RECQL4: variants seen among roughly 807,000 people sequenced by gnomAD.
The protein encoded by RECQL4 is ATP-dependent DNA helicase Q4.
A neutral mutation model predicts 128.6 loss-of-function variants in RECQL4; 158 were observed. That is an observed-to-expected ratio of 1.23 (90% CI 1.08 to 1.40). RECQL4 has a LOEUF of 1.40. RECQL4 is among the 40% of genes most tolerant of loss of function. The pLI is 0.00. For synonymous variants in RECQL4, 996 were observed against 678.9 expected (o/e 1.47, Z -7.26); for missense variants, 2,293 against 1,649.8 (o/e 1.39, Z -6.75).
In RECQL4 at chr8:144,514,046, C is replaced by T. The variant is rs372664774; in HGVS notation, c.1940G>A (p.Arg647His). Residue 647 changes from arginine to histidine, a missense_variant, in exon 12 of 21, where the codon CGC becomes CAC. Physicochemically the swap from Arg to His is conservative, Grantham distance 29. Coordinates refer to ENST00000617875, the MANE Select transcript of RECQL4 (RefSeq NM_004260.4). ...FLGLTATATRRTASDVAQHLA... is the reference protein window; with the variant it reads ...FLGLTATATRHTASDVAQHLA... ...GTGCTGTGCCACGTCACTGGCAGTGCGGCGTGTGGCTGTGGCTGTGAGGCC... is the reference window on the plus strand; with the variant it reads ...GTGCTGTGCCACGTCACTGGCAGTGTGGCGTGTGGCTGTGGCTGTGAGGCC... The T allele has an allele frequency of 3.8e-5, 60 of 1,579,580 alleles. No homozygotes were observed. Among genetic ancestry groups the T allele is most frequent in the Middle Eastern group, 1.7e-4 (1 of 6,018 alleles).
Position 144,512,025 on chromosome 8 carries a change from A to ATCCTT in RECQL4, c.3278_3279insAAGGA (p.Asp1093GlufsTer59), listed in dbSNP as rs779196557. 1 of 1,608,972 alleles carries ATCCTT rather than the reference A, an allele frequency of 6.2e-7. No homozygotes were observed. Among genetic ancestry groups the ATCCTT allele is most frequent in the Non-Finnish European group, 8.5e-7 (1 of 1,178,828 alleles). On this transcript the variant is annotated frameshift_variant, in exon 19 of 21. Coordinates refer to ENST00000617875, the MANE Select transcript of RECQL4 (RefSeq NM_004260.4). LOFTEE classifies it high-confidence loss of function. Reference sequence around the variant, plus strand: ...CCTTGAGCCTGGTGCTGCGCTCCTCATCCTGCTGCTCCAGGCAGGGCCCGC... The same window carrying ATCCTT: ...CCTTGAGCCTGGTGCTGCGCTCCTCATCCTTTCCTGCTGCTCCAGGCAGGGCCCGC...
rs754735053 is a variant in RECQL4, at chr8:144,514,988, C to T, written c.1568G>A (p.Ser523Asn). The T allele has an allele frequency of 3.0e-5, 48 of 1,611,518 alleles. No homozygotes were observed. The highest frequency in any genetic ancestry group is 1.1e-5 in the South Asian group (1 of 90,936). The change falls in exon 9 of 21, where the codon AGC (serine) becomes AAC (asparagine). Residue 523 changes from serine to asparagine, a missense_variant. Ser to Asn is a conservative substitution (Grantham distance 46, BLOSUM62 1). Transcript: ENST00000617875. ...QLPALLYSRR[S>N]PCLTLVVSPL... ...AGAGACGACCAACGTGAGGCAGGGG[C>T]TGCGCCGGCTGTAGAGCAGCGCTGG... is the stretch of plus-strand genomic sequence containing the variant.
In RECQL4 at chr8:144,512,950, C is replaced by A. The variant is rs778275815; in HGVS notation, c.2652G>T (p.Gln884His). Reference sequence around the variant, plus strand: ...GTCCTGGGGCTGCTTGGTGGCTAAGCTGCTCAGCCTCTTGAGGGGGGTACT... The same window carrying A: ...GTCCTGGGGCTGCTTGGTGGCTAAGATGCTCAGCCTCTTGAGGGGGGTACT... The part of the protein sequence containing the change: ...VPKYPPQEAE[Q>H]LSHQAAPGPR... The change falls in exon 15 of 21, where the codon CAG becomes CAT. Residue 884 changes from glutamine to histidine, a missense_variant. Gln to His is a conservative substitution (Grantham distance 24, BLOSUM62 0). Coordinates refer to ENST00000617875, the MANE Select transcript of RECQL4 (RefSeq NM_004260.4). 1 of 1,574,102 alleles carries A rather than the reference C, an allele frequency of 6.4e-7. No individual in the cohort carries two copies. Among genetic ancestry groups the A allele is most frequent in the Non-Finnish European group, 8.6e-7 (1 of 1,160,096 alleles).
rs1586794620 is a variant in RECQL4 at position 144,512,390 on chromosome 8, AC to A, written c.3055+1del. On this transcript the variant is annotated splice_donor_variant, in intron 17 of 20. Transcript: ENST00000617875. LOFTEE classifies it high-confidence loss of function. ...GGCGGTGTGGGGTGGGGAGAGGCGC[AC>A]CTGTCCTGGGCTCGTGGTCCCACTG... 1 of 1,607,090 alleles carries A rather than the reference AC, an allele frequency of 6.2e-7. No homozygotes were observed. The highest frequency in any genetic ancestry group is 2.2e-5 in the East Asian group (1 of 44,746).
Position 144,516,191 on chromosome 8 carries a change from G to A in RECQL4, c.928C>T (p.Pro310Ser), listed in dbSNP as rs1060501376. 34 of 1,613,396 alleles carry A rather than the reference G, an allele frequency of 2.1e-5. No individual in the cohort carries two copies. The highest frequency in any genetic ancestry group is 2.9e-5 in the Non-Finnish European group (34 of 1,179,858). The stretch of plus-strand genomic sequence containing the variant: ...CTGGGGTTCGATGGGCTGCTGCAGG[G>A]CTGAGGTGGCTGTGCCTGTACAGGT... ...GEPVQAQPPQ[P>S]CSSPSNPRYH... Residue 310 changes from proline (P) to serine (S), a missense_variant, in exon 5 of 21, where the codon CCC becomes TCC. Coordinates refer to ENST00000617875, the MANE Select transcript of RECQL4 (RefSeq NM_004260.4).
Position 144,517,638 on chromosome 8 carries a change from G to C in RECQL4, c.85-3C>G, listed in dbSNP as rs1053090518. 2.7e-6 allele frequency: 4 copies of C among 1,483,832 alleles called. No individual in the cohort carries two copies. Among genetic ancestry groups the C allele is most frequent in the Non-Finnish European group, 3.6e-6 (4 of 1,124,946 alleles). 91.9% of individuals were successfully genotyped at this position (1,483,832 alleles called of 1,614,324 possible). A position where few individuals can be genotyped will look rare whatever the true frequency, so the allele number is the denominator to read the frequency against. ...TCCGGCGCCGCCTCCACGTCGTCCT[G>C]TAAAGGGAACGCGTCAGCCGCGGGC... On this transcript the variant is annotated splice_region_variant and splice_polypyrimidine_tract_variant and intron_variant, in intron 1 of 20. Transcript: ENST00000617875.
In RECQL4 at chr8:144,516,380, T is replaced by C; in HGVS notation, c.739A>G (p.Ile247Val). 6.2e-7 allele frequency: 1 copy of C among 1,610,294 alleles called. No individual in the cohort carries two copies. The change falls in exon 5 of 21, where the codon ATC (isoleucine) becomes GTC (valine). Residue 247 changes from isoleucine to valine, a missense_variant. Physicochemically the swap from Ile to Val is conservative, Grantham distance 29. Transcript: ENST00000617875. ...PEASAFQEVS[I>V]RVGSPQPSSS... ...CTGGGCTGGGGGCTCCCCACACGGATGCTGACTTCTTGGAAGGCTGAAGCC... is the reference window on the plus strand; with the variant it reads ...CTGGGCTGGGGGCTCCCCACACGGACGCTGACTTCTTGGAAGGCTGAAGCC...
chr8:144,516,315 G>C lies in RECQL4; in HGVS notation c.804C>G (p.Pro268=), dbSNP rs1240656822. 6.2e-7 allele frequency: 1 copy of C among 1,609,918 alleles called. No homozygotes were observed. The highest frequency in any genetic ancestry group is 8.5e-7 in the Non-Finnish European group (1 of 1,179,118). ...GGEKRRWNEE[P]WESPAQVQQE... ...GCTGGACCTGTGCGGGGCTCTCCCAGGGCTCCTCGTTCCATCTCCGCTTCT... is the reference window on the plus strand; with the variant it reads ...GCTGGACCTGTGCGGGGCTCTCCCACGGCTCCTCGTTCCATCTCCGCTTCT... Residue 268 remains proline, a synonymous_variant, in exon 5 of 21, where the codon CCC becomes CCG. Coordinates refer to ENST00000617875, the MANE Select transcript of RECQL4 (RefSeq NM_004260.4).
At position 144,513,645 on chromosome 8, in the gene RECQL4, C is replaced by G. The variant is rs947223466; in HGVS notation, c.2126G>C (p.Arg709Pro). The change falls in exon 13 of 21, where the codon CGG becomes CCG. Residue 709 changes from arginine (R) to proline (P), a missense_variant. Physicochemically the swap from Arg to Pro is moderately radical, Grantham distance 103. Coordinates refer to ENST00000617875, the MANE Select transcript of RECQL4 (RefSeq NM_004260.4). ...NLDSIIIYCN[R>P]REDTERIAAL... Reference sequence around the variant, plus strand: ...AGCGATCCGCTCTGTGTCCTCGCGCCGGTTGCAGTAAATGATAATGGAATC... The same window carrying G: ...AGCGATCCGCTCTGTGTCCTCGCGCGGGTTGCAGTAAATGATAATGGAATC... 1 of 1,582,660 alleles carries G rather than the reference C, an allele frequency of 6.3e-7. No individual in the cohort carries two copies. Among genetic ancestry groups the G allele is most frequent in the Non-Finnish European group, 8.6e-7 (1 of 1,165,024 alleles).
At chr8:144,514,705 G>A (rs908506916) in intron 9 of RECQL4, among the ~76,000 whole-genome samples, 180 bp from the exon 10 acceptor site, 2 of 148,570 alleles carry the variant, frequency 1.3e-5, no homozygotes. Flanking sequence ...CCCCAGAGCA[G>A]ACAGACTGAA....
In RECQL4 at chr8:144,513,156, T is replaced by C; in HGVS notation, c.2464-18A>G. On this transcript the variant is annotated intron_variant, in intron 14 of 20. Coordinates refer to ENST00000617875, the MANE Select transcript of RECQL4 (RefSeq NM_004260.4). Reference sequence around the variant, plus strand: ...TCTTCGCCCTGCAGGGCAACTTTCATGAGGGTGGGGTGGACCACTGGGGGC... The same window carrying C: ...TCTTCGCCCTGCAGGGCAACTTTCACGAGGGTGGGGTGGACCACTGGGGGC... The C allele has an allele frequency of 7.7e-7, 1 of 1,292,354 alleles. No individual in the cohort carries two copies. The highest frequency in any genetic ancestry group is 2.4e-5 in the Admixed American group (1 of 41,644). The allele number at this position is 1,292,354 out of a possible 1,614,324, so 80.1% of individuals were successfully genotyped here.
At chr8:144,515,715 C>A in intron 6 of RECQL4, 49 bp downstream of exon 6, 1 of 1,599,440 alleles carries the variant, frequency 6.3e-7, no homozygotes, top group Non-Finnish European at 8.5e-7. Flanking sequence ...GAGCACTGCG[C>A]CCTCTCCACA....
In RECQL4 at chr8:144,512,853, C is replaced by T. The variant is rs377343487; in HGVS notation, c.2749G>A (p.Glu917Lys). The T allele has an allele frequency of 1.0e-5, 16 of 1,604,104 alleles. No homozygotes were observed. The highest frequency in any genetic ancestry group is 2.7e-5 in the African/African-American group (2 of 74,824). The part of the protein sequence containing the change: ...QLTVQALDMP[E>K]EAIETLLCYL... ...CTTACCCCAGGTTCCTCACCCTCCTCCGGCATGTCCAAAGCCTGTACGGTA... is the reference window on the plus strand; with the variant it reads ...CTTACCCCAGGTTCCTCACCCTCCTTCGGCATGTCCAAAGCCTGTACGGTA... The change falls in exon 15 of 21, where the codon GAG becomes AAG. Residue 917 changes from glutamate to lysine, a missense_variant. Transcript: ENST00000617875.
chr8:144,516,788 C>T lies in RECQL4; in HGVS notation c.355-24G>A, dbSNP rs35058172. 2.2e-5 allele frequency: 34 copies of T among 1,514,322 alleles called. No individual in the cohort carries two copies. In the Middle Eastern group the frequency reaches 1.2e-3, roughly 55 times the overall value. 93.8% of individuals were successfully genotyped at this position (1,514,322 alleles called of 1,614,324 possible). A position where few individuals can be genotyped will look rare whatever the true frequency, so the allele number is the denominator to read the frequency against. Reference sequence around the variant, plus strand: ...GCCTGGGAGGGGAACAACAGAACAGCAGGAGGAACTCAGGCCCCTGAGCTA... The same window carrying T: ...GCCTGGGAGGGGAACAACAGAACAGTAGGAGGAACTCAGGCCCCTGAGCTA... On this transcript the variant is annotated intron_variant, in intron 4 of 20. Coordinates refer to ENST00000617875, the MANE Select transcript of RECQL4 (RefSeq NM_004260.4).
chr8:144,513,553 G>A lies in RECQL4; in HGVS notation c.2200+18C>T, dbSNP rs754458310. The A allele has an allele frequency of 6.2e-7, 1 of 1,611,002 alleles. No individual in the cohort carries two copies. Among genetic ancestry groups the A allele is most frequent in the Non-Finnish European group, 8.5e-7 (1 of 1,179,180 alleles). On this transcript the variant is annotated intron_variant, in intron 13 of 20. Coordinates refer to ENST00000617875, the MANE Select transcript of RECQL4 (RefSeq NM_004260.4). ...CCAAGGTGGGTCCACGGGGACACCA[G>A]CTCTGTCCATGCCGCACCTCCAGAC...
Position 144,515,229 on chromosome 8 carries a change from C to T in RECQL4, c.1404G>A (p.Glu468=), listed in dbSNP as rs371046973. The change falls in exon 8 of 21, where the codon GAG becomes GAA. Residue 468 remains glutamate (E), a synonymous_variant. Transcript: ENST00000617875. Reference sequence around the variant, plus strand: ...CCAGCTGCTCCAGGGCCTGGAACACCTCAGCCGGCGTCTCTGCAGACACAG... The same window carrying T: ...CCAGCTGCTCCAGGGCCTGGAACACTTCAGCCGGCGTCTCTGCAGACACAG... ...PSGQLAETPA[E]VFQALEQLGH... 4.0e-5 allele frequency: 64 copies of T among 1,583,542 alleles called. No homozygotes were observed. Among genetic ancestry groups the T allele is most frequent in the Admixed American group, 5.4e-5 (3 of 55,122 alleles).
intron 3 of RECQL4, 35 bp from the exon 4 acceptor site, chr8:144,517,225 G>A (rs1432985101): frequency 6.4e-7 from 1 of 1,563,100 alleles, no homozygotes; most frequent in Non-Finnish European, 8.6e-7. Flanking sequence ...GCCAGAAAAG[G>A]CTGTTGTGGC....
In RECQL4 at chr8:144,511,294, C is replaced by G. The variant is rs575210383; in HGVS notation, c.*137G>C. 6.5e-7 allele frequency: 1 copy of G among 1,539,748 alleles called. No individual in the cohort carries two copies. The highest frequency in any genetic ancestry group is 8.8e-7 in the Non-Finnish European group (1 of 1,141,290). On this transcript the variant is annotated 3_prime_UTR_variant, in exon 21 of 21. Transcript: ENST00000617875. ...CATTGGCCAAGAGGGCCCATAAAAA[C>G]AAAGTGAGCATTTTTTATTCTGCAT...
chr8:144,513,915 C>T lies in RECQL4; in HGVS notation c.2058+13G>A. ...CCAGGGCCCTGCAGGGTCCCCAGAG[C>T]ACACACACCCACCTGGTCTGTGTCC... On this transcript the variant is annotated intron_variant, in intron 12 of 20. Coordinates refer to ENST00000617875, the MANE Select transcript of RECQL4 (RefSeq NM_004260.4). The T allele has an allele frequency of 6.6e-7, 1 of 1,517,302 alleles. No individual in the cohort carries two copies. The highest frequency in any genetic ancestry group is 2.5e-5 in the East Asian group (1 of 39,394). 94.0% of individuals were successfully genotyped at this position (1,517,302 alleles called of 1,614,324 possible).
Sources: allele counts gnomAD v4.1 joint callset (sites outside exome capture counted in the v4.1 genomes callset), GRCh38; gene constraint gnomAD v4.1.1; transcripts MANE v1.5; gene names NCBI Gene and HGNC (gene_info 2026-07-23, HGNC 2026-07-21).